FAT2: variants seen among roughly 807,000 people sequenced by gnomAD.
The protein encoded by FAT2 is FAT atypical cadherin 2, also known as protocadherin Fat 2.
A neutral mutation model predicts 295.3 loss-of-function variants in FAT2; 150 were observed. The observed-to-expected ratio is 0.51, with a 90% CI of 0.44 to 0.58. The LOEUF is 0.58. FAT2 is among the 20% of genes least tolerant of loss of function. The pLI is 0.00. For missense variants in FAT2, 4,868 were observed against 5,442.7 expected, an observed-to-expected ratio of 0.89 and a Z score of 3.32; for synonymous variants, 2,026 against 2,150.3, an observed-to-expected ratio of 0.94 and a Z score of 1.60.
chr5:151,508,539 G>A (rs184095963), intron 22 of FAT2, among the ~76,000 whole-genome samples: 5 of 152,088 alleles, frequency 3.3e-5, no homozygotes, highest in Admixed American at 1.3e-4. Context: ...GTGAAACCCC[G>A]TATCTACTAA....
intron 1 of FAT2, among the ~76,000 whole-genome samples, chr5:151,577,722 A>G (rs1276274281): frequency 6.6e-6 from 1 of 152,162 alleles, no homozygotes; most frequent in African/African-American, 2.4e-5. Flanking sequence ...GCAGCAAGGA[A>G]ACGCTGCTGT....
At chr5:151,586,326 C>T (rs1330505093) in intron 1 of FAT2, among the ~76,000 whole-genome samples, 1 of 152,224 alleles carries the variant, frequency 6.6e-6, no homozygotes, top group Non-Finnish European at 1.5e-5. Flanking sequence ...GCTCCCTGCC[C>T]CCAGCCAGCG....
In FAT2 at chr5:151,582,293, T is replaced by C. The variant is rs56201834; in HGVS notation, c.-21+8872A>G. On this transcript the variant is annotated intron_variant, in intron 1 of 23. Coordinates refer to ENST00000261800, the MANE Select transcript of FAT2 (RefSeq NM_001447.3). The stretch of plus-strand genomic sequence containing the variant: ...TTCTGTCCACACACACCGACTTTTC[T>C]TAGCCAAGGTAACTGCTCCACCCAG... 2.6e-3 allele frequency among the ~76,000 whole-genome samples: 403 copies of C among 152,348 alleles called. 1 individual carries two copies. The highest frequency in any genetic ancestry group is 9.3e-3 in the African/African-American group (387 of 41,576).
intron 8 of FAT2, 60 bp downstream of exon 8, chr5:151,550,530 T>G: frequency 2.6e-6 from 4 of 1,565,060 alleles, no homozygotes; most frequent in Non-Finnish European, 3.5e-6. Context: ...TCTCCAAGCA[T>G]GTCCACCCCT....
chr5:151,533,397 C>CAT (rs1754881892), intron 13 of FAT2, among the ~76,000 whole-genome samples: 1 of 111,642 alleles, frequency 9.0e-6, no homozygotes, highest in Non-Finnish European at 1.7e-5. Flanking sequence ...ATCTCCAACA[C>CAT]ACACACACAC....
intron 12 of FAT2, 107 bp downstream of exon 12, chr5:151,537,686 T>C (rs1451144198): frequency 9.0e-7 from 1 of 1,112,826 alleles, no homozygotes; most frequent in Non-Finnish European, 1.3e-6. Flanking sequence ...TGTTTGCTGA[T>C]AGATGAGTGA....
intron 9 of FAT2, among the ~76,000 whole-genome samples, chr5:151,546,665 T>C (rs1581404291): frequency 6.7e-6 from 1 of 149,250 alleles, no homozygotes; most frequent in African/African-American, 2.6e-5. Context: ...CAGTGATGCC[T>C]TTTGTAGGAA....
intron 2 of FAT2, 75 bp from the exon 3 acceptor site, chr5:151,563,714 T>G: frequency 8.2e-7 from 1 of 1,222,490 alleles, no homozygotes; most frequent in Non-Finnish European, 1.2e-6. Context: ...TTACCCACCA[T>G]TCCCCAAACC....
intron 20 of FAT2, among the ~76,000 whole-genome samples, chr5:151,514,230 G>T (rs1414813920): frequency 6.6e-6 from 1 of 152,006 alleles, no homozygotes; most frequent in African/African-American, 2.4e-5. Flanking sequence ...TAAGAAAGGG[G>T]GATAACAAAA....
At position 151,567,777 on chromosome 5, in the gene FAT2, T is replaced by A. The variant is rs1206069603; in HGVS notation, c.1155A>T (p.Arg385Ser). Reference sequence around the variant, plus strand: ...GCAGGTTGGGGAAGGCTGGGGTGACTCTCACCATCACCACGCGGCTGCCAG... The same window carrying A: ...GCAGGTTGGGGAAGGCTGGGGTGACACTCACCATCACCACGCGGCTGCCAG... ...SPPGSRVVMV[R>S]VTPAFPNLQY... The change falls in exon 2 of 24, where the codon AGA becomes AGT. Residue 385 changes from arginine to serine, a missense_variant. By Grantham distance (110) the Arg-to-Ser change is moderately radical. Transcript: ENST00000261800. 1 of 1,613,982 alleles carries A rather than the reference T, an allele frequency of 6.2e-7. No individual in the cohort carries two copies. The highest frequency in any genetic ancestry group is 8.5e-7 in the Non-Finnish European group (1 of 1,180,018).
At chr5:151,538,843 A>ATT (rs535453451) in intron 11 of FAT2, among the ~76,000 whole-genome samples, 1,518 of 143,876 alleles carry the variant, frequency 0.011, 15 homozygotes, top group African/African-American at 0.033. Context: ...CACCTGGCTA[A>ATT]TTTTTTTTTT....
At position 151,568,967 on chromosome 5, in the gene FAT2, AAGAC is replaced by A; in HGVS notation, c.-20-20_-20-17del. 3 of 1,555,904 alleles carry A rather than the reference AAGAC, an allele frequency of 1.9e-6. No homozygotes were observed. Among genetic ancestry groups the A allele is most frequent in the South Asian group, 1.3e-5 (1 of 79,756 alleles). On this transcript the variant is annotated splice_polypyrimidine_tract_variant and intron_variant, in intron 1 of 23. Coordinates refer to ENST00000261800, the MANE Select transcript of FAT2 (RefSeq NM_001447.3). ...TCCCGAAACCCTGGGCAGAAAATAA[AAGAC>A]AGGGTGCAAGTTAGGGGGAAAAAAT...
intron 20 of FAT2, among the ~76,000 whole-genome samples, chr5:151,515,549 T>A (rs2127573814): frequency 6.6e-6 from 1 of 152,304 alleles, no homozygotes; most frequent in East Asian, 1.9e-4. Flanking sequence ...AAACCTTGTA[T>A]CCACCCATAC....
At chr5:151,587,442 T>C (rs886399787) in intron 1 of FAT2, among the ~76,000 whole-genome samples, 1 of 152,242 alleles carries the variant, frequency 6.6e-6, no homozygotes, top group Non-Finnish European at 1.5e-5. Flanking sequence ...TCTGCTGTTT[T>C]CTTTAACTGC....
At chr5:151,573,259 A>G (rs1209457270) in intron 1 of FAT2, among the ~76,000 whole-genome samples, 1 of 152,228 alleles carries the variant, frequency 6.6e-6, no homozygotes, top group South Asian at 2.1e-4. Context: ...TAATGCACAT[A>G]AGTGCCGAGC....
At chr5:151,507,753 A>G in intron 22 of FAT2, 142 bp from the exon 23 acceptor site, 1 of 701,818 alleles carries the variant, frequency 1.4e-6, no homozygotes, top group Admixed American at 3.0e-5. Flanking sequence ...GTAACTATCA[A>G]GCATATCAAC....
chr5:151,570,499 G>A lies in FAT2; in HGVS notation c.-20-1548C>T, dbSNP rs149789516. 1.9e-4 allele frequency among the ~76,000 whole-genome samples: 29 copies of A among 152,320 alleles called. No homozygotes were observed. In the East Asian group the frequency reaches 5.6e-3, roughly 29 times the overall value. On this transcript the variant is annotated intron_variant, in intron 1 of 23. Transcript: ENST00000261800. ...TGAACTGATCATGAATAAATGCTTCGCCTCTCTTAGACCCTTGCTGTTTCC... is the reference window on the plus strand; with the variant it reads ...TGAACTGATCATGAATAAATGCTTCACCTCTCTTAGACCCTTGCTGTTTCC...
chr5:151,567,868 G>A lies in FAT2; in HGVS notation c.1064C>T (p.Ser355Phe). The A allele has an allele frequency of 1.2e-6, 2 of 1,614,154 alleles. No individual in the cohort carries two copies. The highest frequency in any genetic ancestry group is 1.7e-6 in the Non-Finnish European group (2 of 1,180,024). The part of the protein sequence containing the change: ...SQIRGFHLPP[S>F]KLSSLKFEKA... ...CTCGAATTTGAGGGAAGACAGTTTG[G>A]AAGGTGGTAGGTGAAAGCCCCTGAT... The change falls in exon 2 of 24, where the codon TCC (serine) becomes TTC (phenylalanine). Residue 355 changes from serine to phenylalanine, a missense_variant. Physicochemically the swap from Ser to Phe is radical, Grantham distance 155 (BLOSUM62 -2). This residue lies in a region of FAT2 where 3,297 missense variants were observed against 3,669.4 expected (regional missense o/e 0.90). Transcript: ENST00000261800.
In FAT2 at chr5:151,534,970, A is replaced by AATATATATATATATATATATATATATAT. The variant is rs138459865; in HGVS notation, c.9194-329_9194-328insATATATATATATATATATATATATATAT. On this transcript the variant is annotated intron_variant, in intron 12 of 23. Transcript: ENST00000261800. ...TGGTTCGTAATTCCACTTCTAGGAA[A>AATATATATATATATATATATATATATAT]ATATATATATATATATATATATATA... is the stretch of plus-strand genomic sequence containing the variant. 3.8e-3 allele frequency among the ~76,000 whole-genome samples: 405 copies of AATATATATATATATATATATATATATAT among 106,204 alleles called. 11 individuals are homozygous for AATATATATATATATATATATATATATAT. The highest frequency in any genetic ancestry group is 5.7e-3 in the Non-Finnish European group (265 of 46,684). 69.7% of individuals were successfully genotyped at this position (106,204 alleles called of 152,430 possible).
Sources: gnomAD v4.1 joint callset for allele counts (sites outside exome capture counted in the v4.1 genomes callset) on GRCh38, gnomAD v4.1.1 for gene constraint, gnomAD v4.1.1 regional missense constraint, MANE v1.5 for transcripts, NCBI Gene and HGNC (gene_info 2026-07-23, HGNC 2026-07-21) for gene names.